The following PCDHA11 variants were observed in gnomAD, a reference collection of about 807,000 sequenced individuals.
PCDHA11 encodes protocadherin alpha 11, also known as protocadherin alpha-11.
PCDHA11 carries 61 observed loss-of-function variants against 70.3 expected under a neutral mutation model. The ratio of observed to expected loss-of-function variants is 0.87; its 90% CI spans 0.71 to 1.07. The LOEUF is 1.07. Ranked by LOEUF, PCDHA11 falls within the 50% of genes least tolerant of loss-of-function variation. The pLI is 0.00. For missense variants in PCDHA11, 1,324 were observed against 1,237.5 expected, an observed-to-expected ratio of 1.07 and a Z score of -1.05; for synonymous variants, 633 against 555.1, an observed-to-expected ratio of 1.14 and a Z score of -1.97.
intron 3 of PCDHA11, among the ~76,000 whole-genome samples, chr5:140,997,165 G>A (rs1554255769): frequency 6.6e-6 from 1 of 151,976 alleles, no homozygotes; most frequent in African/African-American, 2.4e-5. Flanking sequence ...CCTGCCCAGA[G>A]TGGTACATTC....
intron 1 of PCDHA11, among the ~76,000 whole-genome samples, chr5:140,978,010 T>G (rs2096785841): frequency 6.6e-6 from 1 of 152,156 alleles, no homozygotes; most frequent in African/African-American, 2.4e-5. Flanking sequence ...TTTTTCACAG[T>G]GACATTTTTG....
chr5:140,998,240 A>G (rs2097802500), intron 3 of PCDHA11, among the ~76,000 whole-genome samples: 1 of 152,188 alleles, frequency 6.6e-6, no homozygotes, highest in Non-Finnish European at 1.5e-5. Context: ...GTGCATTATT[A>G]TACTCATTTT....
chr5:140,879,055 A>C (rs1048447920), intron 1 of PCDHA11, among the ~76,000 whole-genome samples: 2 of 152,214 alleles, frequency 1.3e-5, no homozygotes, highest in Non-Finnish European at 2.9e-5. Context: ...ACAACATTTT[A>C]CCAAGAAAGT....
Position 140,869,622 on chromosome 5 carries a change from TA to T in PCDHA11, c.524del (p.Asn175MetfsTer6). On this transcript the variant is annotated frameshift_variant, in exon 1 of 4. Coordinates refer to ENST00000398640, the MANE Select transcript of PCDHA11 (RefSeq NM_018902.5). LOFTEE classifies it high-confidence loss of function. The stretch of plus-strand genomic sequence containing the variant: ...ATGCTCTATTGACCTACAGGCTAAG[TA>T]AAAATGAGTATTTTTCTTTAGATTC... ...ENALLTYRLSKNEYFSLDSPT... is the reference protein window; with the variant it reads ...ENALLTYRLSXNEYFSLDSPT... 6.2e-7 allele frequency: 1 copy of T among 1,613,790 alleles called. No individual in the cohort carries two copies. The highest frequency in any genetic ancestry group is 8.5e-7 in the Non-Finnish European group (1 of 1,179,894).
intron 1 of PCDHA11, among the ~76,000 whole-genome samples, chr5:140,958,752 T>A (rs1423879082): frequency 6.6e-6 from 1 of 152,166 alleles, no homozygotes; most frequent in Non-Finnish European, 1.5e-5. Context: ...AAAGGAGATT[T>A]TTACCCATTT....
intron 3 of PCDHA11, chr5:140,988,873 G>A (rs1471282852): frequency 6.6e-6 from 1 of 152,170 alleles, no homozygotes; most frequent in Non-Finnish European, 1.5e-5. Context: ...GCACTCAGAT[G>A]TACGATCCTG....
At chr5:140,942,913 G>T (rs1467978300) in intron 1 of PCDHA11, among the ~76,000 whole-genome samples, 1 of 148,868 alleles carries the variant, frequency 6.7e-6, no homozygotes, top group South Asian at 2.1e-4. Flanking sequence ...TAAGCGTGAA[G>T]AAAAAAAAAA....
At chr5:140,900,924 A>C (rs553059638) in intron 1 of PCDHA11, among the ~76,000 whole-genome samples, 1 of 152,216 alleles carries the variant, frequency 6.6e-6, no homozygotes, top group South Asian at 2.1e-4. Flanking sequence ...ATGATATCTC[A>C]TTGTAGTTTT....
chr5:140,927,213 G>C (rs1384969721), intron 1 of PCDHA11: 11 of 1,614,000 alleles, frequency 6.8e-6, no homozygotes, highest in Non-Finnish European at 9.3e-6. Flanking sequence ...CGCTGGAGCT[G>C]CACAAGATTC....
At chr5:140,957,194 G>A (rs2095341106) in intron 1 of PCDHA11, among the ~76,000 whole-genome samples, 1 of 152,012 alleles carries the variant, frequency 6.6e-6, no homozygotes, top group Non-Finnish European at 1.5e-5. Context: ...TGACCGATTG[G>A]GAATATAAAT....
chr5:140,874,970 G>T (rs186825854), intron 1 of PCDHA11, among the ~76,000 whole-genome samples: 6 of 152,162 alleles, frequency 3.9e-5, no homozygotes, highest in Non-Finnish European at 7.4e-5. Flanking sequence ...AAGGGGAGGG[G>T]TGCTGTATAT....
chr5:140,877,308 A>C lies in PCDHA11; in HGVS notation c.2391+5814A>C, dbSNP rs2057012120. ...ACGCTTGGCTGTCCTACGAGTTGCAACCGGCGGCGGTCGGCGCGCACATCC... is the reference window on the plus strand; with the variant it reads ...ACGCTTGGCTGTCCTACGAGTTGCACCCGGCGGCGGTCGGCGCGCACATCC... On this transcript the variant is annotated intron_variant, in intron 1 of 3. Coordinates refer to ENST00000398640, the MANE Select transcript of PCDHA11 (RefSeq NM_018902.5). The C allele has an allele frequency of 1.9e-6, 3 of 1,613,898 alleles. No individual in the cohort carries two copies. In the East Asian group the frequency reaches 6.7e-5, roughly 36 times the overall value.
chr5:141,004,697 T>A (rs2098177211), intron 3 of PCDHA11, among the ~76,000 whole-genome samples: 3 of 152,184 alleles, frequency 2.0e-5, no homozygotes, highest in Admixed American at 2.0e-4. Flanking sequence ...AAACCCAGTT[T>A]TAGGTGCCGA....
chr5:140,941,260 T>TCTTTCTTTCTTC (rs2092990214), intron 1 of PCDHA11, among the ~76,000 whole-genome samples: 2 of 138,280 alleles, frequency 1.4e-5, no homozygotes, highest in Admixed American at 1.5e-4. Flanking sequence ...TCTTTCTCTT[T>TCTTTCTTTCTTC]CTTTCTTTCT....
intron 1 of PCDHA11, chr5:140,881,495 T>C (rs2058735247): frequency 3.5e-6 from 1 of 288,914 alleles, no homozygotes; most frequent in Non-Finnish European, 5.2e-6. Flanking sequence ...TTTATGCACA[T>C]ACACACACTC....
chr5:140,985,859 C>T (rs2153837183), intron 3 of PCDHA11, among the ~76,000 whole-genome samples: 1 of 151,736 alleles, frequency 6.6e-6, no homozygotes, highest in African/African-American at 2.4e-5. Context: ...CCTGCCTCAG[C>T]CTCCTGAGTA....
intron 1 of PCDHA11, among the ~76,000 whole-genome samples, chr5:140,899,512 G>C (rs4386771): frequency 0.046 from 7,065 of 152,150 alleles, 285 homozygotes; most frequent in African/African-American, 0.11. Flanking sequence ...TGCATATATT[G>C]CATCCCAGGG....
intron 1 of PCDHA11, chr5:140,928,238 A>T (rs147430561): frequency 1.9e-6 from 3 of 1,614,188 alleles, no homozygotes; most frequent in Non-Finnish European, 2.5e-6. Context: ...CCTCAACCCC[A>T]GCAGGAACTT....
intron 1 of PCDHA11, among the ~76,000 whole-genome samples, chr5:140,954,172 T>C (rs1297030972): frequency 6.6e-6 from 1 of 152,246 alleles, no homozygotes; most frequent in Non-Finnish European, 1.5e-5. Flanking sequence ...ATTTTCTTTA[T>C]CCAGTCTATC....
Sources: gnomAD v4.1 joint callset for allele counts (sites outside exome capture counted in the v4.1 genomes callset) on GRCh38, gnomAD v4.1.1 for gene constraint, MANE v1.5 for transcripts, NCBI Gene and HGNC (gene_info 2026-07-23, HGNC 2026-07-21) for gene names.